The following UTP14A variants were observed in gnomAD, a reference collection of about 807,000 sequenced individuals.
The protein encoded by UTP14A is UTP14A small subunit processome component, also known as U3 small nucleolar RNA-associated protein 14 homolog A.
In UTP14A, 5 loss-of-function variants were observed where a neutral mutation model predicts 57.2. That is an observed-to-expected ratio of 0.09 (90% CI 0.05 to 0.18). The LOEUF is 0.18. Among genes scored for constraint, UTP14A ranks in the 10% least tolerant of loss-of-function variants. UTP14A has a pLI of 1.00. For synonymous variants in UTP14A, 169 were observed against 210.9 expected (o/e 0.80, Z 1.72); for missense variants, 430 against 562.1 (o/e 0.76, Z 2.38).
chrX:129,908,726 G>T lies in UTP14A; in HGVS notation c.230G>T (p.Ser77Ile). The T allele has an allele frequency of 8.3e-7, 1 of 1,210,536 alleles. No homozygotes were observed. Among genetic ancestry groups the T allele is most frequent in the Non-Finnish European group, 1.1e-6 (1 of 894,470 alleles). ...CTGAAGGTGTCAGAGTTCAATGTCA[G>T]TTCTGAAGGTAAGTTGAACAAAGGA... ...ASLKVSEFNV[S>I]SEGSGEKLVL... Residue 77 changes from serine (S) to isoleucine (I), a missense_variant, in exon 4 of 15, where the codon AGT becomes ATT. By Grantham distance (142) the Ser-to-Ile change is moderately radical. This residue lies in a region of UTP14A where 145 missense variants were observed against 153.5 expected (regional missense o/e 0.94). Transcript: ENST00000394422.
At chrX:129,909,020 A>G (rs1461440026) in intron 4 of UTP14A, among the ~76,000 whole-genome samples, 1 of 111,685 alleles carries the variant, frequency 9.0e-6, no homozygotes, top group Non-Finnish European at 1.9e-5. Flanking sequence ...CTTAGTCATA[A>G]TTCATATTTG....
intron 4 of UTP14A, among the ~76,000 whole-genome samples, chrX:129,909,206 CTTTTTTTTTTTTT>C (rs753147882): frequency 1.3e-4 from 11 of 84,435 alleles, no homozygotes; most frequent in African/African-American, 4.5e-4. Flanking sequence ...CCTTTCAAGC[CTTTTTTTTTTTTT>C]TTTTTTTTGA....
chrX:129,921,667 A>C, intron 11 of UTP14A, 80 bp downstream of exon 11: 1 of 1,042,511 alleles, frequency 9.6e-7, no homozygotes, highest in Non-Finnish European at 1.3e-6. Flanking sequence ...GTGTCCACCC[A>C]CACACAAAAC....
At chrX:129,916,196 C>T (rs182498343) in intron 6 of UTP14A, among the ~76,000 whole-genome samples, 638 of 110,365 alleles carry the variant, frequency 5.8e-3, no homozygotes, top group Non-Finnish European at 8.6e-3. Context: ...CCTCGTGATC[C>T]GCCCACCTCG....
intron 6 of UTP14A, among the ~76,000 whole-genome samples, chrX:129,913,664 G>A: frequency 8.9e-6 from 1 of 112,190 alleles, no homozygotes; most frequent in Non-Finnish European, 1.9e-5. Flanking sequence ...GGAGATAGCA[G>A]GAAAATGCCA....
In UTP14A at chrX:129,924,811, G is replaced by A; in HGVS notation, c.1365G>A (p.Glu455=). ...TTCCCCCAGATTCTGGCAGCCAGGA[G>A]GTGCTGTCTGAATTGAGAGTACTAT... ...SQETKDSGSQ[E]VLSELRVLSQ... Residue 455 remains glutamate (E), a synonymous_variant, in exon 12 of 15, where the codon GAG becomes GAA. Transcript: ENST00000394422. 1 of 1,196,861 alleles carries A rather than the reference G, an allele frequency of 8.4e-7. No homozygotes were observed. The highest frequency in any genetic ancestry group is 1.1e-6 in the Non-Finnish European group (1 of 891,200).
Position 129,920,413 on chromosome X carries a change from G to A in UTP14A, c.753-44G>A, listed in dbSNP as rs375427727. ...ATGGGCACTTGTGCCTATGACATCC[G>A]TGCTTCAGCTAAATTGCTAAACTCT... is the stretch of plus-strand genomic sequence containing the variant. On this transcript the variant is annotated intron_variant, in intron 8 of 14. Coordinates refer to ENST00000394422, the MANE Select transcript of UTP14A (RefSeq NM_006649.4). The A allele has an allele frequency of 4.4e-5, 53 of 1,209,335 alleles. No homozygotes were observed. The African/African-American group carries it at 4.9e-4, about 11-fold the overall frequency.
At chrX:129,921,620 C>G (rs1394221792) in intron 11 of UTP14A, 33 bp downstream of exon 11, 20 of 1,188,695 alleles carry the variant, frequency 1.7e-5, no homozygotes, top group Non-Finnish European at 2.3e-5. Context: ...AGGGAAATTC[C>G]TAGTGCTGTG....
chrX:129,924,872 C>G lies in UTP14A; in HGVS notation c.1426C>G (p.Gln476Glu). 1 of 1,210,967 alleles carries G rather than the reference C, an allele frequency of 8.3e-7. No homozygotes were observed. Among genetic ancestry groups the G allele is most frequent in the Non-Finnish European group, 1.1e-6 (1 of 895,353 alleles). ...GAAGGAAAACCATCAGTCCAGGAAG[C>G]AAAAAGCAAGTTCAGAGGGGACTAT... ...KLKENHQSRKQKASSEGTIPQ... is the reference protein window; with the variant it reads ...KLKENHQSRKEKASSEGTIPQ... The change falls in exon 12 of 15, where the codon CAA becomes GAA. Residue 476 changes from glutamine (Q) to glutamate (E), a missense_variant. Gln to Glu is a conservative substitution (Grantham distance 29). Around this residue, in one of 4 missense-constraint regions of UTP14A, gnomAD observed 120 missense variants for 116.8 expected, o/e 1.03. Coordinates refer to ENST00000394422, the MANE Select transcript of UTP14A (RefSeq NM_006649.4).
intron 6 of UTP14A, among the ~76,000 whole-genome samples, chrX:129,916,475 T>C (rs1317289449): frequency 9.0e-6 from 1 of 111,537 alleles, no homozygotes; most frequent in East Asian, 2.8e-4. Flanking sequence ...GAAACCTCAG[T>C]CATTTGATTC....
At position 129,929,561 on chromosome X, in the gene UTP14A, A is replaced by G. The variant is rs779149408; in HGVS notation, c.2269A>G (p.Ile757Val). Residue 757 changes from isoleucine to valine, a missense_variant, in exon 15 of 15, where the codon ATC becomes GTC. Coordinates refer to ENST00000394422, the MANE Select transcript of UTP14A (RefSeq NM_006649.4). ...TGTCATACAGAGGAATCCAAAACGA[A>G]TCACCACACGTCACAAAAAACAGCT... ...LSVIQRNPKR[I>V]TTRHKKQLKK... 3 of 1,209,726 alleles carry G rather than the reference A, an allele frequency of 2.5e-6. No homozygotes were observed. The highest frequency in any genetic ancestry group is 3.5e-5 in the South Asian group (2 of 56,831).
At chrX:129,907,957 A>AAAAT (rs762393611) in intron 2 of UTP14A, 103 bp from the exon 3 acceptor site, 13 of 763,845 alleles carry the variant, frequency 1.7e-5, no homozygotes, top group East Asian at 6.8e-5. Flanking sequence ...CGCCGTCTCA[A>AAAAT]AAATAAATAA....
At position 129,911,907 on chromosome X, in the gene UTP14A, C is replaced by T. The variant is rs1351084646; in HGVS notation, c.523C>T (p.Leu175Phe). The change falls in exon 6 of 15, where the codon CTC (leucine) becomes TTC (phenylalanine). Residue 175 changes from leucine to phenylalanine, a missense_variant. Coordinates refer to ENST00000394422, the MANE Select transcript of UTP14A (RefSeq NM_006649.4). ...AGCCATTGCTCCCATTGAACATGTGCTCAGTGGCTGGAAGGTGAGTACAAC... is the reference window on the plus strand; with the variant it reads ...AGCCATTGCTCCCATTGAACATGTGTTCAGTGGCTGGAAGGTGAGTACAAC... ...EPAIAPIEHVLSGWKARTPLE... is the reference protein window; with the variant it reads ...EPAIAPIEHVFSGWKARTPLE... 1.7e-6 allele frequency: 2 copies of T among 1,210,971 alleles called. No individual in the cohort carries two copies. The highest frequency in any genetic ancestry group is 3.5e-5 in the African/African-American group (2 of 57,660).
rs201893793 is a variant in UTP14A at position 129,906,311 on chromosome X, G to GC, written c.26+82dup. On this transcript the variant is annotated intron_variant, in intron 1 of 14. Coordinates refer to ENST00000394422, the MANE Select transcript of UTP14A (RefSeq NM_006649.4). ...GTTCCCCAGCTTTTGGGAAATGGGA[G>GC]CCCCCCCTTTAACAGATGGCAGTGG... 9,086 of 1,038,924 alleles carry GC rather than the reference G, an allele frequency of 8.7e-3. 315 individuals are homozygous for GC. The African/African-American group carries it at 0.11, about 13-fold the overall frequency. 85.6% of individuals were successfully genotyped at this position (1,038,924 alleles called of 1,213,427 possible). A position where few individuals can be genotyped will look rare whatever the true frequency, so the allele number is the denominator to read the frequency against.
chrX:129,917,866 A>C (rs1929748637), intron 6 of UTP14A, among the ~76,000 whole-genome samples: 1 of 110,800 alleles, frequency 9.0e-6, no homozygotes. Flanking sequence ...TTTTGTGCTC[A>C]AGAAATTAAG....
At chrX:129,920,383 G>A (rs1377357294) in intron 8 of UTP14A, 74 bp from the exon 9 acceptor site, 19 of 1,193,210 alleles carry the variant, frequency 1.6e-5, no homozygotes, top group Non-Finnish European at 2.0e-5. Context: ...AACCCATTGG[G>A]TAGTATGGGC....
rs1298935818 is a variant in UTP14A, at chrX:129,917,191, A to G, written c.538-1984A>G. ...AATGTTTGTAAATTGAATTGAATTG[A>G]AGGGACATTACAACATTGTAGTATA... On this transcript the variant is annotated intron_variant, in intron 6 of 14. Transcript: ENST00000394422. 2.0e-4 allele frequency among the ~76,000 whole-genome samples: 22 copies of G among 112,120 alleles called. No individual in the cohort carries two copies. In the Admixed American group the frequency reaches 2.1e-3, roughly 11 times the overall value.
chrX:129,916,290 C>G (rs1929692389), intron 6 of UTP14A, among the ~76,000 whole-genome samples: 1 of 111,150 alleles, frequency 9.0e-6, no homozygotes, highest in Admixed American at 9.6e-5. Context: ...AAGCTCCAGT[C>G]TCATATTCCA....
chrX:129,923,009 G>C (rs767441536), intron 11 of UTP14A: 1 of 111,542 alleles, frequency 9.0e-6, no homozygotes, highest in Non-Finnish European at 1.9e-5. Flanking sequence ...TGATATGAAA[G>C]AATGAAAGAT....
Sources: allele counts gnomAD v4.1 joint callset (sites outside exome capture counted in the v4.1 genomes callset), GRCh38; gene constraint gnomAD v4.1.1; regional missense constraint gnomAD v4.1.1; transcripts MANE v1.5; gene names NCBI Gene and HGNC (gene_info 2026-07-23, HGNC 2026-07-21).